Variants in SYN2 observed in about 807,000 individuals in gnomAD.
SYN2 encodes synapsin-2.
SYN2 carries 19 observed loss-of-function variants against 50.9 expected under a neutral mutation model. That is an observed-to-expected ratio of 0.37 (90% CI 0.26 to 0.55). The LOEUF is 0.55. Ranked by LOEUF, SYN2 falls within the 20% of genes least tolerant of loss-of-function variation. The probability of loss-of-function intolerance (pLI) is 0.81; values close to 1 mark genes in which losing one functional copy is unlikely to be tolerated. For synonymous variants in SYN2, 255 were observed against 224.9 expected (o/e 1.13, Z -1.20); for missense variants, 587 against 576.4 (o/e 1.02, Z -0.19).
chr3:12,185,966 T>C (rs1000312625), intron 11 of SYN2, among the ~76,000 whole-genome samples: 2 of 152,192 alleles, frequency 1.3e-5, no homozygotes, highest in East Asian at 3.8e-4. Flanking sequence ...CCTGCAGAAT[T>C]CCATTGATTT....
At chr3:12,043,446 C>T (rs1437571330) in intron 1 of SYN2, among the ~76,000 whole-genome samples, 1 of 152,142 alleles carries the variant, frequency 6.6e-6, no homozygotes, top group African/African-American at 2.4e-5. Context: ...ACTGCAGGGT[C>T]TCCTATATAA....
intron 5 of SYN2, chr3:12,158,745 G>A (rs765140612): frequency 1.3e-5 from 21 of 1,608,464 alleles, no homozygotes; most frequent in South Asian, 3.3e-5. Flanking sequence ...GCGCCGGGGC[G>A]CAGCTGCATG....
intron 1 of SYN2, among the ~76,000 whole-genome samples, chr3:12,028,131 T>G (rs958968325): frequency 6.9e-6 from 1 of 144,560 alleles, no homozygotes; most frequent in African/African-American, 2.5e-5. Flanking sequence ...GGTGTTTGGT[T>G]TTTTGTTCTT....
At chr3:12,095,223 C>G (rs1695904134) in intron 1 of SYN2, among the ~76,000 whole-genome samples, 1 of 151,630 alleles carries the variant, frequency 6.6e-6, no homozygotes, top group Non-Finnish European at 1.5e-5. Flanking sequence ...TACCATTCCC[C>G]TCAATTACAC....
intron 1 of SYN2, among the ~76,000 whole-genome samples, chr3:12,038,836 C>CTATG: frequency 6.6e-6 from 1 of 152,188 alleles, no homozygotes; most frequent in Non-Finnish European, 1.5e-5. Context: ...TTAGAATTTT[C>CTATG]TATGTATAAG....
intron 1 of SYN2, among the ~76,000 whole-genome samples, chr3:12,111,999 C>G (rs1050177135): frequency 6.6e-6 from 1 of 152,162 alleles, no homozygotes; most frequent in Admixed American, 6.5e-5. Flanking sequence ...TCAGAAACTT[C>G]TTAGGACATT....
At chr3:12,063,822 CAAAT>C (rs1041474977) in intron 1 of SYN2, among the ~76,000 whole-genome samples, 1 of 151,716 alleles carries the variant, frequency 6.6e-6, no homozygotes, top group Non-Finnish European at 1.5e-5. Context: ...CATACTGATG[CAAAT>C]AAATGATTAA....
At chr3:12,062,051 C>T (rs1027227287) in intron 1 of SYN2, among the ~76,000 whole-genome samples, 1 of 151,668 alleles carries the variant, frequency 6.6e-6, no homozygotes, top group Non-Finnish European at 1.5e-5. Context: ...GCCTAGAAAC[C>T]CAGAATAGCC....
chr3:12,035,994 A>C (rs776924276), intron 1 of SYN2, among the ~76,000 whole-genome samples: 60 of 152,166 alleles, frequency 3.9e-4, no homozygotes, highest in African/African-American at 1.4e-3. Flanking sequence ...CTTCCTTGCT[A>C]TTGTTTTAAG....
At chr3:12,088,811 T>A (rs1397314835) in intron 1 of SYN2, among the ~76,000 whole-genome samples, 2 of 152,180 alleles carry the variant, frequency 1.3e-5, no homozygotes, top group African/African-American at 4.8e-5. Flanking sequence ...TCATCTCACT[T>A]TTATGTGGAA....
chr3:12,059,903 C>G (rs533174665), intron 1 of SYN2, among the ~76,000 whole-genome samples: 76 of 152,242 alleles, frequency 5.0e-4, no homozygotes, highest in Middle Eastern at 3.4e-3. Context: ...CGGGTATCAG[C>G]TCTGACATTT....
intron 1 of SYN2, among the ~76,000 whole-genome samples, chr3:12,129,377 C>A (rs1227345778): frequency 6.6e-6 from 1 of 152,122 alleles, no homozygotes; most frequent in South Asian, 2.1e-4. Context: ...ACTGTCCTTA[C>A]CTTATAGATG....
intron 2 of SYN2, among the ~76,000 whole-genome samples, chr3:12,141,301 A>G (rs1181594431): frequency 6.6e-6 from 1 of 151,810 alleles, no homozygotes; most frequent in Non-Finnish European, 1.5e-5. Flanking sequence ...CAATGCATGT[A>G]TTTCCTATGT....
At chr3:12,187,754 T>C in intron 12 of SYN2, 142 bp downstream of exon 12, 3 of 1,318,946 alleles carry the variant, frequency 2.3e-6, no homozygotes, top group Non-Finnish European at 3.0e-6. Flanking sequence ...TTTTTGTTAG[T>C]TTGTTTTTGG....
intron 1 of SYN2, 50 bp from the exon 2 acceptor site, chr3:12,140,600 CT>C: frequency 1.4e-6 from 1 of 723,834 alleles, no homozygotes; most frequent in South Asian, 1.5e-5. Context: ...AAATGTCTGA[CT>C]TTAAATACTT....
chr3:12,070,011 T>C (rs915232998), intron 1 of SYN2, among the ~76,000 whole-genome samples: 2 of 151,822 alleles, frequency 1.3e-5, no homozygotes, highest in Non-Finnish European at 2.9e-5. Context: ...GTTGCCCAGG[T>C]TGGTCTCGAA....
intron 1 of SYN2, among the ~76,000 whole-genome samples, chr3:12,035,878 G>A (rs1267811685): frequency 6.6e-6 from 1 of 152,162 alleles, no homozygotes; most frequent in Non-Finnish European, 1.5e-5. Context: ...CAAGAGGATG[G>A]CATTTTCTGT....
chr3:12,185,297 G>A (rs942497077), intron 11 of SYN2: 9 of 985,560 alleles, frequency 9.1e-6, no homozygotes, highest in Admixed American at 1.2e-4. Flanking sequence ...ATGAGCTGAC[G>A]GTGGTATTGC....
intron 1 of SYN2, among the ~76,000 whole-genome samples, chr3:12,134,065 G>C (rs987351421): frequency 1.3e-5 from 2 of 152,050 alleles, no homozygotes; most frequent in Non-Finnish European, 2.9e-5. Context: ...CCATTGAAGT[G>C]TATACGTAAA....
Sources: allele counts gnomAD v4.1 joint callset (sites outside exome capture counted in the v4.1 genomes callset), GRCh38; gene constraint gnomAD v4.1.1; transcripts MANE v1.5; gene names NCBI Gene and HGNC (gene_info 2026-07-23, HGNC 2026-07-21).